Variants in CLASP1 observed in about 807,000 individuals in gnomAD.
CLASP1 encodes the protein CLIP-associating protein 1.
Under a neutral mutation model 192.3 loss-of-function variants are expected in CLASP1, and 38 were observed. That is an observed-to-expected ratio of 0.20 (90% confidence interval 0.15 to 0.26). The LOEUF (loss-of-function observed/expected upper bound fraction) is 0.26, where lower values mean the gene tolerates loss of function less well. Among genes scored for constraint, CLASP1 ranks in the 10% least tolerant of loss-of-function variants. The pLI is 1.00. For synonymous variants in CLASP1, 691 were observed against 712.8 expected, an observed-to-expected ratio of 0.97 and a Z score of 0.49; for missense variants, 1,433 against 1,932.5, an observed-to-expected ratio of 0.74 and a Z score of 4.85.
At chr2:121,507,043 C>A (rs2093967004) in intron 7 of CLASP1, among the ~76,000 whole-genome samples, 1 of 152,026 alleles carries the variant, frequency 6.6e-6, no homozygotes, top group South Asian at 2.1e-4. Context: ...GACAAAGAAA[C>A]AAGAAAATAT....
At chr2:121,607,918 C>T (rs986557190) in intron 1 of CLASP1, among the ~76,000 whole-genome samples, 3 of 152,134 alleles carry the variant, frequency 2.0e-5, no homozygotes, top group Non-Finnish European at 4.4e-5. Context: ...GAGGAAAACC[C>T]TCCTTCAAAG....
intron 1 of CLASP1, among the ~76,000 whole-genome samples, chr2:121,607,344 A>C (rs2064574639): frequency 6.6e-6 from 1 of 152,188 alleles, no homozygotes; most frequent in African/African-American, 2.4e-5. Flanking sequence ...GTCTCAAAAA[A>C]AGAGAAAGGA....
chr2:121,346,260 C>G (rs1029726507), intron 39 of CLASP1, among the ~76,000 whole-genome samples: 1 of 152,256 alleles, frequency 6.6e-6, no homozygotes, highest in Non-Finnish European at 1.5e-5. Flanking sequence ...CCAGGCCCAG[C>G]TGGCCTCCTC....
chr2:121,527,969 G>GTATT (rs2094618609), intron 4 of CLASP1, 79 bp from the exon 5 acceptor site: 1 of 1,144,978 alleles, frequency 8.7e-7, no homozygotes, highest in East Asian at 2.4e-5. Context: ...TAGAAGGCAA[G>GTATT]CCTCTTAACG....
At chr2:121,623,966 T>C (rs2067839613) in intron 1 of CLASP1, among the ~76,000 whole-genome samples, 1 of 152,208 alleles carries the variant, frequency 6.6e-6, no homozygotes, top group Admixed American at 6.5e-5. Flanking sequence ...TCCTAGTATT[T>C]CCTTATAATC....
At chr2:121,479,135 T>C (rs1198803833) in intron 8 of CLASP1, among the ~76,000 whole-genome samples, 1 of 144,046 alleles carries the variant, frequency 6.9e-6, no homozygotes, top group African/African-American at 2.6e-5. Flanking sequence ...CAAGGGAAGA[T>C]GTTTACTCTC....
At chr2:121,401,962 T>A (rs187075893) in intron 26 of CLASP1, 92 bp from the exon 28 acceptor site, 33 of 529,358 alleles carry the variant, frequency 6.2e-5, no homozygotes, top group Non-Finnish European at 9.5e-5. Context: ...TGCGTTTTTT[T>A]AAGAAAACCT....
chr2:121,628,330 C>A (rs2068769952), intron 1 of CLASP1, among the ~76,000 whole-genome samples: 1 of 152,012 alleles, frequency 6.6e-6, no homozygotes. Flanking sequence ...CTTAAAATAT[C>A]AAAAAACCTA....
intron 33 of CLASP1, among the ~76,000 whole-genome samples, chr2:121,381,913 T>A (rs1015618654): frequency 2.6e-5 from 4 of 152,164 alleles, no homozygotes; most frequent in Admixed American, 6.5e-5. Flanking sequence ...CTGAGGTCTT[T>A]CTGGGGGCTG....
intron 2 of CLASP1, chr2:121,530,578 G>C (rs907635171): frequency 5.6e-5 from 30 of 533,998 alleles, no homozygotes; most frequent in Non-Finnish European, 1.7e-5. Flanking sequence ...GCCAAACCCG[G>C]GTTAGCTGCG....
chr2:121,497,022 G>C (rs2093562293), intron 8 of CLASP1, among the ~76,000 whole-genome samples: 1 of 152,090 alleles, frequency 6.6e-6, no homozygotes, highest in Non-Finnish European at 1.5e-5. Flanking sequence ...AGCTAAAAGG[G>C]TAGATCTCAC....
intron 1 of CLASP1, among the ~76,000 whole-genome samples, chr2:121,646,896 C>T (rs1202369052): frequency 3.3e-5 from 5 of 151,716 alleles, no homozygotes; most frequent in Admixed American, 1.3e-4. Flanking sequence ...AAAAATTAGC[C>T]GGGCATGGTG....
intron 2 of CLASP1, among the ~76,000 whole-genome samples, chr2:121,565,509 C>T (rs1226832893): frequency 1.3e-5 from 2 of 152,172 alleles, no homozygotes; most frequent in Non-Finnish European, 2.9e-5. Context: ...TCTAAATGAG[C>T]TTTGAAATGA....
intron 32 of CLASP1, among the ~76,000 whole-genome samples, chr2:121,384,013 C>T (rs1437016998): frequency 7.5e-5 from 11 of 145,710 alleles, no homozygotes; most frequent in Admixed American, 2.7e-4. Context: ...TATATACACA[C>T]ACACACACAC....
intron 2 of CLASP1, chr2:121,531,063 A>C (rs771727218): frequency 2.3e-5 from 16 of 693,384 alleles, no homozygotes; most frequent in Admixed American, 4.0e-5. Flanking sequence ...TCGTAAATAA[A>C]CTAGTACTTT....
intron 2 of CLASP1, among the ~76,000 whole-genome samples, chr2:121,535,459 A>G (rs890861434): frequency 1.3e-5 from 2 of 152,202 alleles, no homozygotes; most frequent in African/African-American, 4.8e-5. Context: ...GTGCACTGTA[A>G]ATACATGAAG....
At chr2:121,460,186 C>CA in intron 11 of CLASP1, 61 bp from the exon 12 acceptor site, 1 of 1,313,068 alleles carries the variant, frequency 7.6e-7, no homozygotes, top group South Asian at 1.5e-5. Context: ...CTATACACAA[C>CA]AAAAGAAGTC....
At chr2:121,521,825 G>C (rs1449561884) in intron 6 of CLASP1, among the ~76,000 whole-genome samples, 1 of 152,186 alleles carries the variant, frequency 6.6e-6, no homozygotes, top group African/African-American at 2.4e-5. Context: ...TAAGTGCAGA[G>C]ACAACACTGA....
intron 37 of CLASP1, among the ~76,000 whole-genome samples, chr2:121,353,961 A>C (rs955348686): frequency 6.6e-6 from 1 of 152,118 alleles, no homozygotes; most frequent in Admixed American, 6.5e-5. Context: ...AGTTTTTTGT[A>C]GGGGTCTCAG....
Sources: allele counts gnomAD v4.1 joint callset (sites outside exome capture counted in the v4.1 genomes callset), GRCh38; gene constraint gnomAD v4.1.1; transcripts MANE v1.5; gene names NCBI Gene and HGNC (gene_info 2026-07-23, HGNC 2026-07-21).